The following CSMD1 variants were observed in gnomAD, a reference collection of about 807,000 sequenced individuals.
CSMD1 encodes the protein CUB and Sushi multiple domains 1.
A neutral mutation model predicts 417.5 loss-of-function variants in CSMD1; 213 were observed. That is an observed-to-expected ratio of 0.51 (90% CI 0.46 to 0.57). CSMD1 has a LOEUF of 0.57. CSMD1 is among the 20% of genes least tolerant of loss of function. The probability of loss-of-function intolerance (pLI) is 0.00; values close to 1 mark genes in which losing one functional copy is unlikely to be tolerated. For missense variants in CSMD1, 6,923 were observed against 4,529.7 expected (o/e 1.53, Z -15.17); for synonymous variants, 2,862 against 1,736.8 (o/e 1.65, Z -16.11).
chr8:4,913,968 G>T (rs374469711), intron 1 of CSMD1, among the ~76,000 whole-genome samples: 3 of 152,164 alleles, frequency 2.0e-5, no homozygotes, highest in East Asian at 1.9e-4. Context: ...AGCCAATTAA[G>T]ATTTTAAACT....
intron 2 of CSMD1, among the ~76,000 whole-genome samples, chr8:4,557,723 A>G (rs1798157451): frequency 6.6e-6 from 1 of 152,136 alleles, no homozygotes; most frequent in African/African-American, 2.4e-5. Context: ...ATAAATTTCT[A>G]TACAGCAAAG....
Position 3,009,294 on chromosome 8 carries a change from C to G in CSMD1, c.8030-9163G>C, listed in dbSNP as rs115018791. ...AGAACGGAATCCATTTTTAGAAAAT[C>G]TATAAACCAAATATTCAACCTCAGT... On this transcript the variant is annotated intron_variant, in intron 52 of 69. Transcript: ENST00000635120. 8.3e-3 allele frequency among the ~76,000 whole-genome samples: 1,271 copies of G among 152,328 alleles called. 26 individuals carry two copies. Among genetic ancestry groups the G allele is most frequent in the African/African-American group, 0.029 (1,206 of 41,578 alleles).
intron 3 of CSMD1, among the ~76,000 whole-genome samples, chr8:4,147,592 T>C (rs1031693179): frequency 7.9e-5 from 12 of 152,124 alleles, no homozygotes; most frequent in Non-Finnish European, 1.6e-4. Context: ...CCCTAATAAA[T>C]AATATCGGTT....
chr8:3,714,748 A>C (rs78482814), intron 6 of CSMD1, among the ~76,000 whole-genome samples: 2 of 151,898 alleles, frequency 1.3e-5, no homozygotes, highest in Admixed American at 6.6e-5. Context: ...TCTCAAAAAA[A>C]CAACAACACA....
intron 2 of CSMD1, among the ~76,000 whole-genome samples, chr8:4,455,925 A>C: frequency 8.9e-6 from 1 of 112,292 alleles, no homozygotes; most frequent in Non-Finnish European, 1.8e-5. Flanking sequence ...TGAGACTCCA[A>C]CTCCAAAAAA....
intron 1 of CSMD1, among the ~76,000 whole-genome samples, chr8:4,849,578 T>C (rs1010027595): frequency 5.3e-5 from 8 of 152,148 alleles, no homozygotes; most frequent in Non-Finnish European, 1.0e-4. Context: ...TGTAGCATTT[T>C]TCATCTTTTA....
Position 4,719,126 on chromosome 8 carries a change from A to G in CSMD1, c.86-81568T>C, listed in dbSNP as rs979068058. Among the ~76,000 whole-genome samples, 26 of 152,214 alleles carry G rather than the reference A, an allele frequency of 1.7e-4. 1 individual carries two copies. Among genetic ancestry groups the G allele is most frequent in the Admixed American group, 1.6e-3 (25 of 15,282 alleles). ...CACAAAGAAGCTCTGAATGATGAACAAGAAACTAAAGACAATGATGGCCTG... is the reference window on the plus strand; with the variant it reads ...CACAAAGAAGCTCTGAATGATGAACGAGAAACTAAAGACAATGATGGCCTG... On this transcript the variant is annotated intron_variant, in intron 1 of 69. Coordinates refer to ENST00000635120, the MANE Select transcript of CSMD1 (RefSeq NM_033225.6).
At position 4,881,972 on chromosome 8, in the gene CSMD1, G is replaced by A. The variant is rs916244067; in HGVS notation, c.85+112360C>T. ...TCATGCAATGAAAAGGATATGACAT[G>A]GGGCTCAGCTATACCTGGAAAGAAA... On this transcript the variant is annotated intron_variant, in intron 1 of 69. Transcript: ENST00000635120. Among the ~76,000 whole-genome samples the A allele has an allele frequency of 5.9e-5, 9 of 151,824 alleles. 1 individual carries two copies. Among genetic ancestry groups the A allele is most frequent in the African/African-American group, 2.2e-4 (9 of 41,244 alleles).
chr8:4,000,657 T>C (rs1815596293), intron 4 of CSMD1, among the ~76,000 whole-genome samples: 3 of 152,160 alleles, frequency 2.0e-5, no homozygotes, highest in Non-Finnish European at 4.4e-5. Flanking sequence ...ATATTTACTT[T>C]TATTATTGAT....
At chr8:3,718,984 G>A (rs919810696) in intron 6 of CSMD1, among the ~76,000 whole-genome samples, 5 of 152,138 alleles carry the variant, frequency 3.3e-5, no homozygotes, top group Non-Finnish European at 7.4e-5. Flanking sequence ...CGCAAAGGGG[G>A]AGGCAGAACA....
chr8:2,960,864 A>C (rs142205286), intron 62 of CSMD1, among the ~76,000 whole-genome samples: 3,447 of 150,874 alleles, frequency 0.023, 69 homozygotes, highest in Middle Eastern at 0.048. Flanking sequence ...GATTTCAAAT[A>C]GAAAATAATG....
intron 1 of CSMD1, among the ~76,000 whole-genome samples, chr8:4,837,488 G>A (rs1800566828): frequency 6.6e-6 from 1 of 152,098 alleles, no homozygotes; most frequent in Admixed American, 6.5e-5. Context: ...AATAAGCCAG[G>A]CACAGAAAGG....
intron 3 of CSMD1, among the ~76,000 whole-genome samples, chr8:4,180,800 A>G (rs1304470042): frequency 6.6e-6 from 1 of 152,046 alleles, no homozygotes; most frequent in Non-Finnish European, 1.5e-5. Flanking sequence ...TGTCTTTGGT[A>G]CAAGAGTTCA....
chr8:3,370,756 C>T (rs1411005110), intron 18 of CSMD1, among the ~76,000 whole-genome samples: 1 of 152,140 alleles, frequency 6.6e-6, no homozygotes, highest in African/African-American at 2.4e-5. Flanking sequence ...AGGTGGATCA[C>T]CTGAGGTCAG....
intron 1 of CSMD1, among the ~76,000 whole-genome samples, chr8:4,778,069 G>C (rs370562517): frequency 1.3e-5 from 2 of 152,048 alleles, no homozygotes; most frequent in African/African-American, 4.8e-5. Context: ...ACACACACAG[G>C]CATACTGGTG....
intron 1 of CSMD1, among the ~76,000 whole-genome samples, chr8:4,651,780 C>T (rs747061362): frequency 6.6e-6 from 1 of 152,144 alleles, no homozygotes; most frequent in Non-Finnish European, 1.5e-5. Context: ...AATGGGCAAG[C>T]TGTGTGATTA....
At chr8:3,338,634 A>G (rs545642681) in intron 23 of CSMD1, among the ~76,000 whole-genome samples, 45 of 152,212 alleles carry the variant, frequency 3.0e-4, no homozygotes, top group African/African-American at 1.0e-3. Context: ...GATACCAGCT[A>G]TGCAGCTGAT....
rs188526792 is a variant in CSMD1 at position 4,163,687 on chromosome 8, A to T, written c.416-131588T>A. Among the ~76,000 whole-genome samples, 375 of 152,280 alleles carry T rather than the reference A, an allele frequency of 2.5e-3. 7 individuals are homozygous for T. Among genetic ancestry groups the T allele is most frequent in the Non-Finnish European group, 1.0e-3 (70 of 68,030 alleles). ...ATAATTTTAAAACAAGAAGTAACAT[A>T]TAAATAATAAAATTTTTTTATGGTG... On this transcript the variant is annotated intron_variant, in intron 3 of 69. Coordinates refer to ENST00000635120, the MANE Select transcript of CSMD1 (RefSeq NM_033225.6).
intron 5 of CSMD1, among the ~76,000 whole-genome samples, chr8:3,943,176 A>C (rs996138064): frequency 6.6e-6 from 1 of 152,100 alleles, no homozygotes; most frequent in Non-Finnish European, 1.5e-5. Flanking sequence ...AAAATGACTC[A>C]ATTGAGGATG....
Sources: gnomAD v4.1 joint callset for allele counts (sites outside exome capture counted in the v4.1 genomes callset) on GRCh38, gnomAD v4.1.1 for gene constraint, MANE v1.5 for transcripts, NCBI Gene and HGNC (gene_info 2026-07-23, HGNC 2026-07-21) for gene names.